Variants in ADAMTSL1 observed in about 807,000 individuals in gnomAD.
ADAMTSL1 encodes ADAMTS-like protein 1.
In ADAMTSL1, 126 loss-of-function variants were observed where a neutral mutation model predicts 201.8. The observed-to-expected ratio is 0.62, with a 90% CI of 0.54 to 0.72. The LOEUF is 0.72. ADAMTSL1 is among the 30% of genes least tolerant of loss of function. ADAMTSL1 has a pLI of 0.00. For missense variants in ADAMTSL1, 2,679 were observed against 2,277.8 expected, an observed-to-expected ratio of 1.18 and a Z score of -3.59; for synonymous variants, 1,121 against 903.4, an observed-to-expected ratio of 1.24 and a Z score of -4.32.
At chr9:18,271,894 T>A (rs1250577565) in intron 2 of ADAMTSL1, among the ~76,000 whole-genome samples, 8 of 152,070 alleles carry the variant, frequency 5.3e-5, no homozygotes, top group African/African-American at 1.4e-4. Flanking sequence ...GGTATCTCAT[T>A]GTGGTTTTGA....
chr9:18,293,717 T>C (rs1209519137), intron 2 of ADAMTSL1, among the ~76,000 whole-genome samples: 1 of 152,194 alleles, frequency 6.6e-6, no homozygotes. Flanking sequence ...CCGTCCCATA[T>C]AGGAAGGAAA....
At chr9:18,347,337 T>C (rs1451530913) in intron 2 of ADAMTSL1, among the ~76,000 whole-genome samples, 2 of 152,150 alleles carry the variant, frequency 1.3e-5, no homozygotes, top group East Asian at 3.9e-4. Flanking sequence ...TACGTAACTA[T>C]TGAAAACTGG....
intron 1 of ADAMTSL1, among the ~76,000 whole-genome samples, chr9:17,957,687 T>C (rs1178624715): frequency 6.6e-6 from 1 of 152,148 alleles, no homozygotes; most frequent in Non-Finnish European, 1.5e-5. Flanking sequence ...CTTTGCAAAT[T>C]GTGAATGTAA....
intron 2 of ADAMTSL1, among the ~76,000 whole-genome samples, chr9:18,382,053 G>T (rs866768441): frequency 6.6e-6 from 1 of 152,166 alleles, no homozygotes; most frequent in African/African-American, 2.4e-5. Context: ...GCTGGTACAA[G>T]AGAATGATAA....
chr9:17,912,868 T>A (rs544928689), intron 1 of ADAMTSL1, among the ~76,000 whole-genome samples: 1 of 151,376 alleles, frequency 6.6e-6, no homozygotes, highest in Non-Finnish European at 1.5e-5. Context: ...TCGTATAAGG[T>A]GTAAGGAAGG....
chr9:17,925,778 C>T (rs1340264992), intron 1 of ADAMTSL1, among the ~76,000 whole-genome samples: 13 of 148,784 alleles, frequency 8.7e-5, no homozygotes, highest in Non-Finnish European at 1.2e-4. Context: ...GTGGGTGCAG[C>T]GCACCAGCAT....
chr9:18,050,566 T>C (rs922364253), intron 1 of ADAMTSL1, among the ~76,000 whole-genome samples: 3 of 152,206 alleles, frequency 2.0e-5, no homozygotes, highest in African/African-American at 7.2e-5. Context: ...TGAATAATAT[T>C]GAAGCTTGAA....
At chr9:18,152,699 T>G (rs1563770903) in intron 1 of ADAMTSL1, among the ~76,000 whole-genome samples, 1 of 151,768 alleles carries the variant, frequency 6.6e-6, no homozygotes, top group African/African-American at 2.4e-5. Flanking sequence ...GGCCAGTGGG[T>G]GGAAGACGAG....
At chr9:18,522,156 G>A (rs1393980599) in intron 2 of ADAMTSL1, among the ~76,000 whole-genome samples, 1 of 152,140 alleles carries the variant, frequency 6.6e-6, no homozygotes, top group Non-Finnish European at 1.5e-5. Context: ...GAGGAGGAGA[G>A]AGGGGGTGGT....
Position 18,603,926 on chromosome 9 carries a change from C to G in ADAMTSL1, c.475-18317C>G, listed in dbSNP as rs538357094. On this transcript the variant is annotated intron_variant, in intron 4 of 28. Transcript: ENST00000380548. ...AAGACAGTACAGAGACAAAAGATCT[C>G]TCAGCAAGGCAATCTTTACTTTCTG... 2.5e-3 allele frequency among the ~76,000 whole-genome samples: 376 copies of G among 152,298 alleles called. 2 individuals are homozygous for G. The highest frequency in any genetic ancestry group is 7.9e-3 in the African/African-American group (327 of 41,560).
intron 7 of ADAMTSL1, among the ~76,000 whole-genome samples, chr9:18,649,176 G>A (rs1828025587): frequency 1.3e-5 from 2 of 152,044 alleles, no homozygotes; most frequent in African/African-American, 2.4e-5. Context: ...CCAGTTGATT[G>A]CATCAGCTCC....
chr9:18,645,499 C>T (rs79314093), intron 7 of ADAMTSL1, among the ~76,000 whole-genome samples: 45,369 of 144,560 alleles, frequency 0.31, 7,628 homozygotes, highest in Middle Eastern at 0.39. Context: ...CTAGGTTTTC[C>T]TCTAGGGTTT....
At chr9:18,456,894 A>AT (rs1487189981) in intron 2 of ADAMTSL1, among the ~76,000 whole-genome samples, 1 of 152,172 alleles carries the variant, frequency 6.6e-6, no homozygotes, top group East Asian at 1.9e-4. Context: ...CATTTATTTA[A>AT]TTTTTTCCAT....
intron 2 of ADAMTSL1, among the ~76,000 whole-genome samples, chr9:18,439,181 C>T (rs1023437244): frequency 2.0e-5 from 3 of 152,142 alleles, no homozygotes; most frequent in African/African-American, 4.8e-5. Context: ...TTCCAAGTCC[C>T]TCATCATGGT....
intron 2 of ADAMTSL1, among the ~76,000 whole-genome samples, chr9:18,315,367 C>T (rs1209853656): frequency 6.6e-6 from 1 of 152,008 alleles, no homozygotes; most frequent in Non-Finnish European, 1.5e-5. Flanking sequence ...CAGTCCCATG[C>T]CAGGCGCCTG....
At chr9:18,652,654 A>T (rs546088252) in intron 7 of ADAMTSL1, among the ~76,000 whole-genome samples, 82 of 152,318 alleles carry the variant, frequency 5.4e-4, no homozygotes, top group African/African-American at 1.9e-3. Context: ...GCCCAATTGT[A>T]GCCCAGCACA....
intron 1 of ADAMTSL1, among the ~76,000 whole-genome samples, chr9:18,126,755 T>C (rs1825747359): frequency 6.6e-6 from 1 of 152,216 alleles, no homozygotes; most frequent in Non-Finnish European, 1.5e-5. Context: ...TATTGAATAG[T>C]TATCCAAACA....
intron 2 of ADAMTSL1, among the ~76,000 whole-genome samples, chr9:18,178,870 CA>C (rs1286117874): frequency 6.6e-6 from 1 of 151,966 alleles, no homozygotes; most frequent in Admixed American, 6.6e-5. Flanking sequence ...ACCAAAAACC[CA>C]TTTGTACATC....
chr9:18,143,947 G>A (rs1315119286), intron 1 of ADAMTSL1, among the ~76,000 whole-genome samples: 3 of 152,162 alleles, frequency 2.0e-5, no homozygotes, highest in Non-Finnish European at 4.4e-5. Flanking sequence ...TATGTTTTAA[G>A]ACTTTCCAAA....
Sources: allele counts gnomAD v4.1 joint callset (sites outside exome capture counted in the v4.1 genomes callset), GRCh38; gene constraint gnomAD v4.1.1; transcripts MANE v1.5; gene names NCBI Gene and HGNC (gene_info 2026-07-23, HGNC 2026-07-21).